DAPK1: variants seen among roughly 807,000 people sequenced by gnomAD.
The protein encoded by DAPK1 is death-associated protein kinase 1.
A neutral mutation model predicts 144.9 loss-of-function variants in DAPK1; 56 were observed. The observed-to-expected ratio is 0.39, with a 90% confidence interval of 0.31 to 0.48. The LOEUF is 0.48. Ranked by LOEUF, DAPK1 falls within the 20% of genes least tolerant of loss-of-function variation. The pLI is 0.95. For synonymous variants in DAPK1, 690 were observed against 749.0 expected (o/e 0.92, Z 1.29); for missense variants, 1,454 against 1,875.4 (o/e 0.78, Z 4.15).
chr9:87,676,214 C>T (rs1824372733), intron 19 of DAPK1, among the ~76,000 whole-genome samples: 1 of 152,270 alleles, frequency 6.6e-6, no homozygotes, highest in Non-Finnish European at 1.5e-5. Flanking sequence ...TCGTGCCAGC[C>T]AGGTCTCAGG....
At chr9:87,639,288 A>G (rs774190367) in intron 4 of DAPK1, 66 bp from the exon 5 acceptor site, 15 of 1,371,794 alleles carry the variant, frequency 1.1e-5, no homozygotes, top group Non-Finnish European at 1.4e-5. Flanking sequence ...GAGAAGAACT[A>G]TTCTGCCATC....
intron 2 of DAPK1, among the ~76,000 whole-genome samples, chr9:87,565,233 A>T (rs991475118): frequency 6.6e-6 from 1 of 152,126 alleles, no homozygotes; most frequent in African/African-American, 2.4e-5. Context: ...ATGAAAAACG[A>T]GTGTCGAGGC....
chr9:87,648,898 C>A lies in DAPK1; in HGVS notation c.1428+19C>A. 6.3e-7 allele frequency: 1 copy of A among 1,592,370 alleles called. No homozygotes were observed. Among genetic ancestry groups the A allele is most frequent in the Non-Finnish European group, 8.6e-7 (1 of 1,160,144 alleles). On this transcript the variant is annotated intron_variant, in intron 15 of 25. Transcript: ENST00000408954. Reference sequence around the variant, plus strand: ...GGACAAGGTGGGTCGTGACTGACATCCTCCCTTCCTCTGCTCTATACATGA... The same window carrying A: ...GGACAAGGTGGGTCGTGACTGACATACTCCCTTCCTCTGCTCTATACATGA...
intron 2 of DAPK1, among the ~76,000 whole-genome samples, chr9:87,595,728 C>A (rs1196314295): frequency 6.6e-6 from 1 of 152,206 alleles, no homozygotes; most frequent in Non-Finnish European, 1.5e-5. Context: ...ACCGACCTCT[C>A]CTCTGCTCTC....
At chr9:87,633,128 T>C in intron 3 of DAPK1, 1 of 982,678 alleles carries the variant, frequency 1.0e-6, no homozygotes, top group Non-Finnish European at 1.2e-6. Flanking sequence ...TAAAGAAAGA[T>C]GAGTGTACAT....
intron 25 of DAPK1, 129 bp downstream of exon 25, chr9:87,703,346 C>G (rs1825523982): frequency 1.6e-6 from 1 of 609,842 alleles, no homozygotes; most frequent in South Asian, 1.9e-5. Flanking sequence ...TAACCTACAA[C>G]ATTTCCACAC....
intron 16 of DAPK1, 35 bp from the exon 17 acceptor site, chr9:87,651,492 G>T: frequency 1.2e-6 from 2 of 1,609,350 alleles, no homozygotes; most frequent in Non-Finnish European, 1.7e-6. Context: ...ATGCCCAAGT[G>T]AAAAGCTCTC....
intron 17 of DAPK1, among the ~76,000 whole-genome samples, chr9:87,652,333 A>C (rs1447475657): frequency 7.6e-5 from 7 of 92,036 alleles, no homozygotes; most frequent in Non-Finnish European, 1.3e-4. Flanking sequence ...GTGTCCTCCC[A>C]CCTGATCCCG....
At chr9:87,632,946 G>T in intron 3 of DAPK1, 1 of 947,304 alleles carries the variant, frequency 1.1e-6, no homozygotes. Context: ...CAGTATATAC[G>T]TAGGGATGAA....
In DAPK1 at chr9:87,706,029, C is replaced by A; in HGVS notation, c.3061-103C>A. 1.2e-6 allele frequency: 1 copy of A among 821,742 alleles called. No homozygotes were observed. Among genetic ancestry groups the A allele is most frequent in the Non-Finnish European group, 2.0e-6 (1 of 501,926 alleles). The allele number at this position is 821,742 out of a possible 1,614,324, so 50.9% of individuals were successfully genotyped here. A position where few individuals can be genotyped will look rare whatever the true frequency, so the allele number is the denominator to read the frequency against. ...CTTGGGTCACTCCTTAGAGCATCTG[C>A]TCAGCCTCTGTTGCCGGCATCAGGC... On this transcript the variant is annotated intron_variant, in intron 25 of 25. Transcript: ENST00000408954. The surrounding 1 kb of genome is among the most constrained non-coding windows in gnomAD (Gnocchi z 9.0).
intron 3 of DAPK1, among the ~76,000 whole-genome samples, chr9:87,625,794 C>T (rs944150573): frequency 3.3e-5 from 5 of 152,210 alleles, no homozygotes; most frequent in East Asian, 3.9e-4. Context: ...TAAGTTTGAC[C>T]GCATTCAAAT....
intron 17 of DAPK1, among the ~76,000 whole-genome samples, chr9:87,653,941 G>C (rs778295645): frequency 6.6e-6 from 1 of 152,058 alleles, no homozygotes; most frequent in Non-Finnish European, 1.5e-5. Flanking sequence ...TGATCTGCCC[G>C]CTTCAGCCCC....
At chr9:87,599,589 G>A (rs2118928149) in intron 2 of DAPK1, among the ~76,000 whole-genome samples, 1 of 152,308 alleles carries the variant, frequency 6.6e-6, no homozygotes, top group South Asian at 2.1e-4. Context: ...CTGACCATGA[G>A]TAGTTAATAA....
At chr9:87,624,243 C>T (rs1265099084) in intron 3 of DAPK1, among the ~76,000 whole-genome samples, 2 of 152,194 alleles carry the variant, frequency 1.3e-5, no homozygotes, top group African/African-American at 4.8e-5. Context: ...AGGGGACCCC[C>T]TTCCAAGATG....
rs891119025 is a variant in DAPK1, at chr9:87,585,493, A to C, written c.63-19461A>C. Among the ~76,000 whole-genome samples the C allele has an allele frequency of 3.3e-5, 5 of 152,238 alleles. No homozygotes were observed. In the South Asian group the frequency reaches 1.0e-3, roughly 32 times the overall value. ...TAGTGCACACAAATTACGAGCTGGAAATGTATTCACATCATTTTAAGAAAA... is the reference window on the plus strand; with the variant it reads ...TAGTGCACACAAATTACGAGCTGGACATGTATTCACATCATTTTAAGAAAA... On this transcript the variant is annotated intron_variant, in intron 2 of 25. Coordinates refer to ENST00000408954, the MANE Select transcript of DAPK1 (RefSeq NM_004938.4).
intron 19 of DAPK1, among the ~76,000 whole-genome samples, chr9:87,676,420 G>A (rs952866215): frequency 6.6e-6 from 1 of 152,226 alleles, no homozygotes; most frequent in African/African-American, 2.4e-5. Context: ...CCGCCATCTG[G>A]TAGTGAAACG....
intron 2 of DAPK1, among the ~76,000 whole-genome samples, chr9:87,545,664 G>C (rs374120826): frequency 6.6e-6 from 1 of 152,140 alleles, no homozygotes; most frequent in African/African-American, 2.4e-5. Flanking sequence ...CTCCTGTCCA[G>C]CCTCCCAAGT....
chr9:87,621,123 C>T (rs1485576219), intron 3 of DAPK1, among the ~76,000 whole-genome samples: 2 of 152,228 alleles, frequency 1.3e-5, no homozygotes, highest in African/African-American at 4.8e-5. Context: ...TCTACCCTCC[C>T]TCCTCCAAGT....
chr9:87,561,511 G>GC (rs1366072659), intron 2 of DAPK1, among the ~76,000 whole-genome samples: 1 of 145,874 alleles, frequency 6.9e-6, no homozygotes, highest in Non-Finnish European at 1.5e-5. Context: ...GGGCGACAGA[G>GC]CGAGACTCCG....
Sources: gnomAD v4.1 joint callset for allele counts (sites outside exome capture counted in the v4.1 genomes callset) on GRCh38, gnomAD v4.1.1 for gene constraint, Gnocchi (gnomAD v3.1) non-coding constraint, MANE v1.5 for transcripts, NCBI Gene and HGNC (gene_info 2026-07-23, HGNC 2026-07-21) for gene names.